LYPLAL1: variants seen among roughly 807,000 people sequenced by gnomAD.
The protein encoded by LYPLAL1 is lysophospholipase like 1, also known as lysophospholipase-like protein 1.
A neutral mutation model predicts 19.7 loss-of-function variants in LYPLAL1; 23 were observed. The observed-to-expected ratio is 1.17, with a 90% confidence interval of 0.84 to 1.65. The LOEUF is 1.65. Among genes scored for constraint, LYPLAL1 ranks in the 40% most tolerant of loss-of-function variants. The pLI, the probability that LYPLAL1 is intolerant of heterozygous loss-of-function variation, is 0.00. For synonymous variants in LYPLAL1, 119 were observed against 96.3 expected (o/e 1.24, Z -1.38); for missense variants, 355 against 279.4 (o/e 1.27, Z -1.93).
the LYPLAL1 span, among the ~76,000 whole-genome samples, chr1:219,269,524 T>C: frequency 7.0e-4 from 107 of 152,338 alleles, no homozygotes; most frequent in Non-Finnish European, 4.4e-4. Flanking sequence ...CTGATTAATA[T>C]TCTATCAATG....
At chr1:219,284,485 C>T in the LYPLAL1 span, among the ~76,000 whole-genome samples, 10 of 151,864 alleles carry the variant, frequency 6.6e-5, no homozygotes, top group African/African-American at 1.2e-4. Context: ...TTTCATGTAA[C>T]GCAATAATAT....
chr1:219,340,977 T>C, the LYPLAL1 span, among the ~76,000 whole-genome samples: 1 of 152,088 alleles, frequency 6.6e-6, no homozygotes, highest in African/African-American at 2.4e-5. Flanking sequence ...TCCTCTAAAC[T>C]GCTGTAGTCT....
the LYPLAL1 span, among the ~76,000 whole-genome samples, chr1:219,402,370 G>A: frequency 0.28 from 42,703 of 151,918 alleles, 6,402 homozygotes; most frequent in East Asian, 0.53. Context: ...TAAAAATTGA[G>A]TGTTTATTTT....
At chr1:219,290,976 G>T in the LYPLAL1 span, among the ~76,000 whole-genome samples, 2 of 152,102 alleles carry the variant, frequency 1.3e-5, no homozygotes, top group Non-Finnish European at 2.9e-5. Flanking sequence ...ACTATTACTG[G>T]CTGTAAAATC....
the LYPLAL1 span, among the ~76,000 whole-genome samples, chr1:219,229,335 GAGAC>G: frequency 3.7e-5 from 4 of 107,620 alleles, no homozygotes; most frequent in African/African-American, 1.2e-4. Context: ...GAGAGAGAGA[GAGAC>G]ACGCAGGCTA....
chr1:219,311,717 A>G, the LYPLAL1 span, among the ~76,000 whole-genome samples: 1 of 152,158 alleles, frequency 6.6e-6, no homozygotes, highest in East Asian at 1.9e-4. Context: ...TACCACCAGG[A>G]CATCAGATAT....
chr1:219,175,497 C>CT (rs2125011807), intron 1 of LYPLAL1, among the ~76,000 whole-genome samples: 1 of 152,192 alleles, frequency 6.6e-6, no homozygotes, highest in Non-Finnish European at 1.5e-5. Context: ...AGACTATGTT[C>CT]TTTTTTCCCC....
intron 3 of LYPLAL1, among the ~76,000 whole-genome samples, chr1:219,203,783 C>T (rs1181085703): frequency 6.6e-6 from 1 of 152,042 alleles, no homozygotes; most frequent in Non-Finnish European, 1.5e-5. Context: ...ATGCTGACAA[C>T]TCTGGAGGGC....
the LYPLAL1 span, among the ~76,000 whole-genome samples, chr1:219,332,481 A>G: frequency 6.6e-6 from 1 of 152,132 alleles, no homozygotes; most frequent in African/African-American, 2.4e-5. Context: ...CTGAAAAATA[A>G]TGAAATTGTT....
the LYPLAL1 span, among the ~76,000 whole-genome samples, chr1:219,436,192 G>A: frequency 2.6e-5 from 4 of 152,282 alleles, no homozygotes; most frequent in Admixed American, 6.5e-5. Flanking sequence ...AGAGGCCCTC[G>A]CAGGCCCTGG....
intron 3 of LYPLAL1, among the ~76,000 whole-genome samples, chr1:219,206,532 G>A (rs777262393): frequency 2.0e-5 from 3 of 151,992 alleles, no homozygotes; most frequent in Non-Finnish European, 4.4e-5. Flanking sequence ...CTAGTGAGGA[G>A]TTGCAGATTA....
At chr1:219,318,014 T>A in the LYPLAL1 span, among the ~76,000 whole-genome samples, 2 of 152,294 alleles carry the variant, frequency 1.3e-5, no homozygotes, top group East Asian at 3.9e-4. Flanking sequence ...CACTCTTGGG[T>A]GTTCAAGTCA....
the LYPLAL1 span, among the ~76,000 whole-genome samples, chr1:219,403,674 G>C: frequency 0.21 from 32,212 of 152,094 alleles, 3,701 homozygotes; most frequent in Middle Eastern, 0.36. Context: ...AGTGTACAGA[G>C]AATAGTCAAA....
At chr1:219,418,278 T>C in the LYPLAL1 span, among the ~76,000 whole-genome samples, 1 of 152,178 alleles carries the variant, frequency 6.6e-6, no homozygotes, top group Non-Finnish European at 1.5e-5. Flanking sequence ...CCTAGGTCTC[T>C]GTCCAGAGTT....
chr1:219,225,143 C>G, the LYPLAL1 span, among the ~76,000 whole-genome samples: 39 of 152,258 alleles, frequency 2.6e-4, no homozygotes, highest in Non-Finnish European at 2.4e-4. Flanking sequence ...ACCTCTGGCC[C>G]TAAGCACTCA....
chr1:219,332,965 G>A, the LYPLAL1 span, among the ~76,000 whole-genome samples: 7 of 151,870 alleles, frequency 4.6e-5, no homozygotes, highest in African/African-American at 1.7e-4. Flanking sequence ...TTTCTAGCTG[G>A]CTGTAAACTA....
the LYPLAL1 span, among the ~76,000 whole-genome samples, chr1:219,275,118 C>G: frequency 2.6e-5 from 4 of 152,196 alleles, no homozygotes; most frequent in African/African-American, 9.7e-5. Flanking sequence ...GGGACCCAAA[C>G]TCCTCCCCAG....
At chr1:219,419,255 A>G in the LYPLAL1 span, among the ~76,000 whole-genome samples, 1 of 152,170 alleles carries the variant, frequency 6.6e-6, no homozygotes, top group Non-Finnish European at 1.5e-5. Flanking sequence ...CCCACTGTTT[A>G]GGGATTTTAA....
At chr1:219,298,114 A>G in the LYPLAL1 span, among the ~76,000 whole-genome samples, 30 of 152,174 alleles carry the variant, frequency 2.0e-4, no homozygotes, top group Non-Finnish European at 4.1e-4. Flanking sequence ...GTTTGAGACC[A>G]GCGTGGGTAA....
Sources: gnomAD v4.1 joint callset for allele counts (sites outside exome capture counted in the v4.1 genomes callset) on GRCh38, gnomAD v4.1.1 for gene constraint, MANE v1.5 for transcripts, NCBI Gene and HGNC (gene_info 2026-07-23, HGNC 2026-07-21) for gene names.